The following FCSK variants were observed in gnomAD, a reference collection of about 807,000 sequenced individuals.
FCSK encodes the protein L-fucose kinase.
In FCSK, 123 loss-of-function variants were observed where a neutral mutation model predicts 122.5. The observed-to-expected ratio is 1.00, with a 90% CI of 0.87 to 1.17. FCSK has a LOEUF of 1.17. Among genes scored for constraint, FCSK ranks in the 50% most tolerant of loss-of-function variants. The pLI is 0.00. For synonymous variants in FCSK, 620 were observed against 625.5 expected (o/e 0.99, Z 0.13); for missense variants, 1,366 against 1,450.4 (o/e 0.94, Z 0.95).
intron 13 of FCSK, among the ~76,000 whole-genome samples, chr16:70,472,094 C>G (rs886101697): frequency 2.0e-5 from 3 of 151,984 alleles, no homozygotes; most frequent in Non-Finnish European, 2.9e-5. Context: ...TAGGTGTGAG[C>G]CACCGCGCAC....
intron 1 of FCSK, among the ~76,000 whole-genome samples, chr16:70,457,564 G>GTTTC (rs146101067): frequency 7.5e-4 from 113 of 151,526 alleles, no homozygotes; most frequent in East Asian, 2.1e-3. Flanking sequence ...CATTTCAAGG[G>GTTTC]TTTCTTTCTT....
rs1338386460 is a variant in FCSK at position 70,467,980 on chromosome 16, G to A, written c.663+14G>A. On this transcript the variant is annotated intron_variant, in intron 8 of 23. Coordinates refer to ENST00000288078, the MANE Select transcript of FCSK (RefSeq NM_145059.3). ...CGGGTGCCACTGGTATGGCTGCTGGGCCCAGGTTGCGGGGCTTTGGGGACC... is the reference window on the plus strand; with the variant it reads ...CGGGTGCCACTGGTATGGCTGCTGGACCCAGGTTGCGGGGCTTTGGGGACC... 21 of 1,611,232 alleles carry A rather than the reference G, an allele frequency of 1.3e-5. No homozygotes were observed. Among genetic ancestry groups the A allele is most frequent in the Non-Finnish European group, 1.7e-5 (20 of 1,177,516 alleles).
rs751772390 is a variant in FCSK, at chr16:70,473,009, C to T, written c.1433C>T (p.Thr478Met). The T allele has an allele frequency of 8.6e-5, 138 of 1,599,912 alleles. No homozygotes were observed. In the East Asian group the frequency reaches 1.9e-3, roughly 22 times the overall value. Residue 478 changes from threonine to methionine, a missense_variant, in exon 15 of 24, where the codon ACG becomes ATG. Coordinates refer to ENST00000288078, the MANE Select transcript of FCSK (RefSeq NM_145059.3). This position sits in a 1 kb window ranked among gnomAD's most constrained non-coding sequence, Gnocchi z 4.9. ...GCCTGGGACCTGTGGGACCCTGAGA[C>T]GCTGCCCGCAGAGTACTGCCTTCCC... is the stretch of plus-strand genomic sequence containing the variant. ...VRAWDLWDPE[T>M]LPAEYCLPSA...
At position 70,478,735 on chromosome 16, in the gene FCSK, C is replaced by T. The variant is rs2048899428; in HGVS notation, c.2929+85C>T. ...GTTTGAGGCCAGGGTCATCTGCAGG[C>T]TTGGCACAAGCTCCAGATATTCGGC... On this transcript the variant is annotated intron_variant, in intron 22 of 23. Coordinates refer to ENST00000288078, the MANE Select transcript of FCSK (RefSeq NM_145059.3). The T allele has an allele frequency of 5.4e-6, 6 of 1,104,858 alleles. No individual in the cohort carries two copies. In the Admixed American group the frequency reaches 7.6e-5, roughly 14 times the overall value. The allele number at this position is 1,104,858 out of a possible 1,614,324, so 68.4% of individuals were successfully genotyped here.
chr16:70,456,334 G>A (rs553267899), intron 1 of FCSK, among the ~76,000 whole-genome samples: 15 of 152,210 alleles, frequency 9.9e-5, no homozygotes, highest in Non-Finnish European at 1.8e-4. Context: ...CCAATTCTTA[G>A]GACTGTTGGG....
At position 70,479,559 on chromosome 16, in the gene FCSK, A is replaced by G. The variant is rs1237326616; in HGVS notation, c.3154-20A>G. The G allele has an allele frequency of 1.2e-6, 2 of 1,608,554 alleles. No individual in the cohort carries two copies. The highest frequency in any genetic ancestry group is 1.7e-6 in the Non-Finnish European group (2 of 1,175,978). On this transcript the variant is annotated intron_variant, in intron 23 of 23. Transcript: ENST00000288078. The stretch of plus-strand genomic sequence containing the variant: ...CTGAGATTTGTCCAGAGCCTTCTAA[A>G]TACTTCCTGTCTTGTCCAGGGCCTT...
intron 1 of FCSK, chr16:70,462,179 G>A (rs530432133): frequency 2.0e-4 from 31 of 152,282 alleles, no homozygotes; most frequent in African/African-American, 6.5e-4. Flanking sequence ...TGAGGGTCTT[G>A]CTGTGTCAGC....
At chr16:70,472,722 C>A in intron 14 of FCSK, 117 bp downstream of exon 14, 2 of 930,486 alleles carry the variant, frequency 2.1e-6, no homozygotes, top group Non-Finnish European at 3.2e-6. Context: ...CATCCAGGGG[C>A]CTGGGTGGTT....
In FCSK at chr16:70,475,661, C is replaced by A; in HGVS notation, c.2535C>A (p.Ile845=). The stretch of plus-strand genomic sequence containing the variant: ...TCCGCCCTGCAGGCACCAGCAGCAT[C>A]CTGGCAGGCACTGCCCTGGCTGCCT... ...PHGSGLGTSS[I]LAGTALAALQ... is the part of the protein sequence containing the mutation. The change falls in exon 20 of 24, where the codon ATC becomes ATA. Residue 845 remains isoleucine, a synonymous_variant. Coordinates refer to ENST00000288078, the MANE Select transcript of FCSK (RefSeq NM_145059.3). The A allele has an allele frequency of 6.3e-7, 1 of 1,597,588 alleles. No homozygotes were observed. Among genetic ancestry groups the A allele is most frequent in the Non-Finnish European group, 8.5e-7 (1 of 1,170,588 alleles).
chr16:70,464,741 G>C (rs1028700680), intron 3 of FCSK, among the ~76,000 whole-genome samples: 2 of 151,904 alleles, frequency 1.3e-5, no homozygotes. Context: ...AGCCAGGCGT[G>C]GCAGTGCACA....
At chr16:70,472,035 C>T (rs1264962475) in intron 13 of FCSK, among the ~76,000 whole-genome samples, 1 of 152,060 alleles carries the variant, frequency 6.6e-6, no homozygotes. Context: ...TCTCAATCTC[C>T]CGACCTCAAC....
Position 70,474,588 on chromosome 16 carries a change from C to A in FCSK, c.2049C>A (p.Arg683=), listed in dbSNP as rs1167217638. The change falls in exon 17 of 24, where the codon CGC becomes CGA. Residue 683 remains arginine (R), a synonymous_variant. Transcript: ENST00000288078. ...HYEGAGQILI[R]QAVMSAQHFV... ...AGGGGGCTGGTCAGATCCTGATCCGCCAGGCTGTGATGTCAGCCCAGCACT... is the reference window on the plus strand; with the variant it reads ...AGGGGGCTGGTCAGATCCTGATCCGACAGGCTGTGATGTCAGCCCAGCACT... The A allele has an allele frequency of 6.4e-7, 1 of 1,566,814 alleles. No individual in the cohort carries two copies. The highest frequency in any genetic ancestry group is 1.2e-5 in the South Asian group (1 of 85,340).
intron 1 of FCSK, among the ~76,000 whole-genome samples, chr16:70,455,104 T>C (rs1329241474): frequency 6.6e-6 from 1 of 152,260 alleles, no homozygotes; most frequent in African/African-American, 2.4e-5. Flanking sequence ...CGGTCTGTTA[T>C]TTAGAAGGCA....
At position 70,466,873 on chromosome 16, in the gene FCSK, C is replaced by T; in HGVS notation, c.412-9C>T. On this transcript the variant is annotated splice_polypyrimidine_tract_variant and intron_variant, in intron 5 of 23. Coordinates refer to ENST00000288078, the MANE Select transcript of FCSK (RefSeq NM_145059.3). ...GCACCAGCTGTGTTCTGTCTCCTTC[C>T]CCCCACAGCTGGGCCCGGGCTCCCC... The T allele has an allele frequency of 1.2e-6, 2 of 1,611,872 alleles. No homozygotes were observed. The highest frequency in any genetic ancestry group is 1.7e-6 in the Non-Finnish European group (2 of 1,179,010).
At chr16:70,456,847 C>T (rs978044478) in intron 1 of FCSK, among the ~76,000 whole-genome samples, 4 of 151,916 alleles carry the variant, frequency 2.6e-5, no homozygotes, top group African/African-American at 9.7e-5. Flanking sequence ...GGTGAAACCC[C>T]GTCTCTACTA....
chr16:70,463,336 C>A, intron 2 of FCSK, 64 bp downstream of exon 2: 1 of 1,404,538 alleles, frequency 7.1e-7, no homozygotes, highest in Non-Finnish European at 1.0e-6. Flanking sequence ...CTGGCTATGT[C>A]CCTCCAACAC....
At position 70,475,462 on chromosome 16, in the gene FCSK, C is replaced by G; in HGVS notation, c.2490C>G (p.Thr830=). Residue 830 remains threonine, a synonymous_variant, in exon 19 of 24, where the codon ACC becomes ACG. Coordinates refer to ENST00000288078, the MANE Select transcript of FCSK (RefSeq NM_145059.3). ...TCGGGGGCGGCTTTGAGCTGCACAC[C>G]TGGTCTGAGCTGCCCCACGGCTCTG... ...RTFGGGFELH[T]WSELPHGSGL... The G allele has an allele frequency of 6.2e-7, 1 of 1,605,392 alleles. No individual in the cohort carries two copies. Among genetic ancestry groups the G allele is most frequent in the Non-Finnish European group, 8.5e-7 (1 of 1,179,314 alleles).
intron 1 of FCSK, among the ~76,000 whole-genome samples, chr16:70,456,874 T>C (rs957641774): frequency 6.6e-6 from 1 of 151,728 alleles, no homozygotes; most frequent in Admixed American, 6.6e-5. Context: ...CAAAAAATTA[T>C]CCAGGCATGG....
intron 1 of FCSK, among the ~76,000 whole-genome samples, chr16:70,460,168 G>C (rs562577430): frequency 1.2e-3 from 171 of 148,430 alleles, no homozygotes; most frequent in Non-Finnish European, 1.9e-3. Context: ...GTGGAGTGCA[G>C]TGGCGTGATC....
Sources: gnomAD v4.1 joint callset for allele counts (sites outside exome capture counted in the v4.1 genomes callset) on GRCh38, gnomAD v4.1.1 for gene constraint, Gnocchi (gnomAD v3.1) non-coding constraint, MANE v1.5 for transcripts, NCBI Gene and HGNC (gene_info 2026-07-23, HGNC 2026-07-21) for gene names.